PCDHA2: variants seen among roughly 807,000 people sequenced by gnomAD.
The protein encoded by PCDHA2 is protocadherin alpha 2, also known as protocadherin alpha-2.
Under a neutral mutation model 66.0 loss-of-function variants are expected in PCDHA2, and 58 were observed. The ratio of observed to expected loss-of-function variants is 0.88; its 90% CI spans 0.71 to 1.09. The LOEUF is 1.09. Among genes scored for constraint, PCDHA2 ranks in the 50% least tolerant of loss-of-function variants. The pLI, the probability that PCDHA2 is intolerant of heterozygous loss-of-function variation, is 0.00. For synonymous variants in PCDHA2, 634 were observed against 554.0 expected, an observed-to-expected ratio of 1.14 and a Z score of -2.03; for missense variants, 1,267 against 1,242.3, an observed-to-expected ratio of 1.02 and a Z score of -0.30.
intron 1 of PCDHA2, among the ~76,000 whole-genome samples, chr5:140,906,616 T>G (rs1339811951): frequency 6.6e-6 from 1 of 152,228 alleles, no homozygotes. Flanking sequence ...GTATTCCCTT[T>G]GCCTTCAGCA....
chr5:140,802,443 G>C, intron 1 of PCDHA2: 1 of 1,614,224 alleles, frequency 6.2e-7, no homozygotes, highest in Non-Finnish European at 8.5e-7. Context: ...TCTGGACCGC[G>C]AGAGCGTGTC....
chr5:140,939,807 C>G (rs927084385), intron 1 of PCDHA2, among the ~76,000 whole-genome samples: 1 of 152,088 alleles, frequency 6.6e-6, no homozygotes, highest in African/African-American at 2.4e-5. Context: ...TCTGCATGTT[C>G]AAGAAAAAGC....
intron 1 of PCDHA2, among the ~76,000 whole-genome samples, chr5:140,890,239 C>G (rs1398307605): frequency 6.6e-6 from 1 of 151,982 alleles, no homozygotes; most frequent in African/African-American, 2.4e-5. Context: ...AAGCATTTAC[C>G]AGTACACTAC....
At chr5:140,800,577 G>T (rs1427654813) in intron 1 of PCDHA2, among the ~76,000 whole-genome samples, 1 of 152,206 alleles carries the variant, frequency 6.6e-6, no homozygotes. Flanking sequence ...GGGTGGTAAA[G>T]AGGTTAATGG....
chr5:140,936,000 C>G (rs370629183), intron 1 of PCDHA2, among the ~76,000 whole-genome samples: 1 of 150,536 alleles, frequency 6.6e-6, no homozygotes, highest in African/African-American at 2.4e-5. Flanking sequence ...TCAAGCGATT[C>G]TCCCACCTCA....
chr5:140,993,234 A>AATCTG (rs1554253510), intron 3 of PCDHA2, among the ~76,000 whole-genome samples: 1 of 152,130 alleles, frequency 6.6e-6, no homozygotes, highest in Non-Finnish European at 1.5e-5. Flanking sequence ...GTTCTCTCTG[A>AATCTG]ATCTGGGGAT....
rs553967078 is a variant in PCDHA2, at chr5:140,856,258, C to T, written c.2388+58906C>T. 103 of 1,598,068 alleles carry T rather than the reference C, an allele frequency of 6.4e-5. 11 individuals carry two copies. The highest frequency in any genetic ancestry group is 2.7e-4 in the Admixed American group (16 of 59,260). On this transcript the variant is annotated intron_variant, in intron 1 of 3. Transcript: ENST00000526136. Reference sequence around the variant, plus strand: ...TGTTCCGGGTGGCGTCCAAAAGACACGGGGACCTTCTGGAGGTAAATCTGC... The same window carrying T: ...TGTTCCGGGTGGCGTCCAAAAGACATGGGGACCTTCTGGAGGTAAATCTGC...
chr5:140,843,417 A>G, intron 1 of PCDHA2: 1 of 1,595,970 alleles, frequency 6.3e-7, no homozygotes, highest in South Asian at 1.1e-5. Context: ...GTCAACGTGT[A>G]CCTGATCATC....
chr5:140,811,842 G>A (rs1385551513), intron 1 of PCDHA2: 1 of 152,136 alleles, frequency 6.6e-6, no homozygotes, highest in Non-Finnish European at 1.5e-5. Context: ...CTTTTTGATA[G>A]GGTTTTTTGT....
intron 1 of PCDHA2, chr5:140,842,473 G>A (rs2150336971): frequency 3.7e-6 from 6 of 1,613,820 alleles, no homozygotes; most frequent in Non-Finnish European, 3.4e-6. Flanking sequence ...CCAACGGGCA[G>A]GTGACCTGCT....
At chr5:140,808,794 C>G (rs1465939551) in intron 1 of PCDHA2, 11 of 1,612,506 alleles carry the variant, frequency 6.8e-6, no homozygotes, top group South Asian at 4.4e-5. Flanking sequence ...TTTCAGGTGA[C>G]CGCTCGCGAT....
At chr5:140,830,049 A>G in intron 1 of PCDHA2, 1 of 1,613,626 alleles carries the variant, frequency 6.2e-7, no homozygotes, top group East Asian at 2.2e-5. Flanking sequence ...CTGGTGAAAG[A>G]CCACGGTGAG....
intron 1 of PCDHA2, chr5:140,884,016 G>C (rs143828814): frequency 1.2e-6 from 2 of 1,613,208 alleles, no homozygotes; most frequent in Non-Finnish European, 8.5e-7. Flanking sequence ...CTGATGCCGC[G>C]GTCGGTGGGT....
rs1324543044 is a variant in PCDHA2 at position 140,847,178 on chromosome 5, A to G, written c.2388+49826A>G. ...TTTCTGAGTAATAAACTAAAGGGCC[A>G]TGAGTGATTAAGGAATTTGGCCACT... On this transcript the variant is annotated intron_variant, in intron 1 of 3. Coordinates refer to ENST00000526136, the MANE Select transcript of PCDHA2 (RefSeq NM_018905.3). Among the ~76,000 whole-genome samples the G allele has an allele frequency of 3.3e-5, 5 of 149,760 alleles. 1 individual carries two copies. The highest frequency in any genetic ancestry group is 7.5e-5 in the Non-Finnish European group (5 of 66,876).
intron 1 of PCDHA2, among the ~76,000 whole-genome samples, chr5:140,903,475 A>C (rs1186809574): frequency 6.6e-6 from 1 of 152,220 alleles, no homozygotes; most frequent in African/African-American, 2.4e-5. Flanking sequence ...TATTCCTTGC[A>C]TTATAGTTCT....
rs781796613 is a variant in PCDHA2 at position 140,796,504 on chromosome 5, A to G, written c.1540A>G (p.Ser514Gly). 5 of 1,612,234 alleles carry G rather than the reference A, an allele frequency of 3.1e-6. No individual in the cohort carries two copies. In the Admixed American group the frequency reaches 8.3e-5, roughly 27 times the overall value. ...LSSYVSVHAE[S>G]GKVYALQPLD... Reference sequence around the variant, plus strand: ...GAGCTACGTTTCGGTGCACGCGGAGAGCGGCAAGGTGTACGCGCTGCAGCC... The same window carrying G: ...GAGCTACGTTTCGGTGCACGCGGAGGGCGGCAAGGTGTACGCGCTGCAGCC... Residue 514 changes from serine (S) to glycine (G), a missense_variant, in exon 1 of 4, where the codon AGC (serine) becomes GGC (glycine). Coordinates refer to ENST00000526136, the MANE Select transcript of PCDHA2 (RefSeq NM_018905.3).
chr5:140,844,328 A>T (rs2150370621), intron 1 of PCDHA2, among the ~76,000 whole-genome samples: 8 of 149,410 alleles, frequency 5.4e-5, no homozygotes, highest in Non-Finnish European at 9.0e-5. Flanking sequence ...TTTATTATAA[A>T]CTAGTTAAAA....
At chr5:140,809,477 C>T (rs782448560) in intron 1 of PCDHA2, 3 of 1,614,224 alleles carry the variant, frequency 1.9e-6, no homozygotes, top group Non-Finnish European at 2.5e-6. Flanking sequence ...TGGTGAGGGC[C>T]CACCCAAGAC....
At chr5:140,968,365 T>C (rs1554230638) in intron 1 of PCDHA2, 1 of 1,614,112 alleles carries the variant, frequency 6.2e-7, no homozygotes, top group Non-Finnish European at 8.5e-7. Context: ...GCCTTTATGC[T>C]GTCAACTCCT....
Sources: allele counts gnomAD v4.1 joint callset (sites outside exome capture counted in the v4.1 genomes callset), GRCh38; gene constraint gnomAD v4.1.1; transcripts MANE v1.5; gene names NCBI Gene and HGNC (gene_info 2026-07-23, HGNC 2026-07-21).